The following SHB variants were observed in gnomAD, a reference collection of about 807,000 sequenced individuals.
SHB encodes the protein SH2 domain containing adaptor protein B.
A neutral mutation model predicts 52.3 loss-of-function variants in SHB; 20 were observed. The observed-to-expected ratio is 0.38, with a 90% CI of 0.27 to 0.56. The LOEUF (loss-of-function observed/expected upper bound fraction) is 0.56, where lower values mean the gene tolerates loss of function less well. SHB is among the 20% of genes least tolerant of loss of function. SHB has a pLI of 0.71. For synonymous variants in SHB, 397 were observed against 316.5 expected (o/e 1.25, Z -2.70); for missense variants, 825 against 723.3 (o/e 1.14, Z -1.61).
At chr9:37,937,980 C>G (rs1456452439) in intron 5 of SHB, among the ~76,000 whole-genome samples, 1 of 152,192 alleles carries the variant, frequency 6.6e-6, no homozygotes, top group Admixed American at 6.5e-5. Context: ...AACAGTCAGG[C>G]CCTGCCTTAA....
chr9:38,064,363 C>T (rs1191430963), intron 1 of SHB, among the ~76,000 whole-genome samples: 4 of 152,212 alleles, frequency 2.6e-5, no homozygotes, highest in Non-Finnish European at 2.9e-5. Flanking sequence ...CTCTCTCACA[C>T]TGTCATCTCT....
rs1832120403 is a variant in SHB at position 37,917,828 on chromosome 9, T to C, written c.*1993A>G. ...AACCCAGGCCACAGCCAGCGTGGTC[T>C]CTATGAGGGCTGGGCCACGTGGACG... is the stretch of plus-strand genomic sequence containing the variant. On this transcript the variant is annotated 3_prime_UTR_variant, in exon 6 of 6. Transcript: ENST00000377707. Among the ~76,000 whole-genome samples, 1 of 152,230 alleles carries C rather than the reference T, an allele frequency of 6.6e-6. No homozygotes were observed.
chr9:37,928,545 C>G (rs1434105173), intron 5 of SHB, among the ~76,000 whole-genome samples: 3 of 152,214 alleles, frequency 2.0e-5, no homozygotes, highest in Non-Finnish European at 4.4e-5. Flanking sequence ...AAATACCCTA[C>G]GACGCACAGC....
intron 5 of SHB, among the ~76,000 whole-genome samples, chr9:37,922,809 T>C (rs1283659269): frequency 6.6e-6 from 1 of 152,192 alleles, no homozygotes; most frequent in Non-Finnish European, 1.5e-5. Context: ...TGCTGGGCTC[T>C]GTCCCTTCTC....
chr9:38,043,952 C>A (rs1821613536), intron 1 of SHB, among the ~76,000 whole-genome samples: 1 of 152,204 alleles, frequency 6.6e-6, no homozygotes, highest in Admixed American at 6.5e-5. Flanking sequence ...GCAGAGAAAG[C>A]TCAGGGCCAG....
At chr9:38,020,207 T>C (rs1244891345) in intron 1 of SHB, among the ~76,000 whole-genome samples, 2 of 152,242 alleles carry the variant, frequency 1.3e-5, no homozygotes, top group Non-Finnish European at 2.9e-5. Flanking sequence ...TGTGCAAAAC[T>C]AAACTTGCTT....
intron 3 of SHB, among the ~76,000 whole-genome samples, chr9:37,967,901 A>G (rs554696967): frequency 6.6e-6 from 1 of 152,356 alleles, no homozygotes; most frequent in East Asian, 1.9e-4. Flanking sequence ...CACCCAGGGG[A>G]CCAGTGGCCC....
chr9:37,948,027 G>A (rs1243981574), intron 5 of SHB, among the ~76,000 whole-genome samples: 3 of 152,214 alleles, frequency 2.0e-5, no homozygotes, highest in Non-Finnish European at 4.4e-5. Flanking sequence ...TGCCCATCCT[G>A]ACAGAAATGC....
rs563281580 is a variant in SHB, at chr9:37,983,207, T to C, written c.839-8370A>G. Among the ~76,000 whole-genome samples the C allele has an allele frequency of 1.6e-4, 25 of 152,272 alleles. No homozygotes were observed. The East Asian group carries it at 1.7e-3, about 11-fold the overall frequency. On this transcript the variant is annotated intron_variant, in intron 2 of 5. Transcript: ENST00000377707. The stretch of plus-strand genomic sequence containing the variant: ...CTGATAACTAAGAGACAGGTTTCCA[T>C]TGGGGGAACCTGGGAGGGCCTTAAA...
Position 38,068,280 on chromosome 9 carries a change from G to C in SHB, c.366C>G (p.Gly122=). 1 of 1,474,070 alleles carries C rather than the reference G, an allele frequency of 6.8e-7. No individual in the cohort carries two copies. 91.3% of individuals were successfully genotyped at this position (1,474,070 alleles called of 1,614,324 possible). Residue 122 remains glycine (G), a synonymous_variant, in exon 1 of 6, where the codon GGC becomes GGG. Coordinates refer to ENST00000377707, the MANE Select transcript of SHB (RefSeq NM_003028.3). ...LDYCGGSGEP[G]GVQRAFSASS... Reference sequence around the variant, plus strand: ...AGGCCGAGAAGGCGCGCTGGACCCCGCCTGGCTCCCCGCTGCCGCCGCAGT... The same window carrying C: ...AGGCCGAGAAGGCGCGCTGGACCCCCCCTGGCTCCCCGCTGCCGCCGCAGT...
At chr9:38,043,315 T>C (rs772087698) in intron 1 of SHB, among the ~76,000 whole-genome samples, 5 of 152,180 alleles carry the variant, frequency 3.3e-5, no homozygotes, top group Admixed American at 6.5e-5. Flanking sequence ...AGTAGACACA[T>C]AGGGGACTGA....
chr9:37,969,786 C>T lies in SHB; in HGVS notation c.1054+4836G>A, dbSNP rs192788008. ...CAGGTAGACCTGCCACACCAACCTG[C>T]ACCACCCCCAGACACCATGACATCA... On this transcript the variant is annotated intron_variant, in intron 3 of 5. Transcript: ENST00000377707. Among the ~76,000 whole-genome samples, 86 of 152,352 alleles carry T rather than the reference C, an allele frequency of 5.6e-4. 1 individual carries two copies. Among genetic ancestry groups the T allele is most frequent in the African/African-American group, 1.9e-3 (81 of 41,584 alleles).
intron 5 of SHB, among the ~76,000 whole-genome samples, chr9:37,930,833 T>C (rs922498032): frequency 6.6e-6 from 1 of 151,982 alleles, no homozygotes; most frequent in African/African-American, 2.4e-5. Context: ...GAAAAGAAAG[T>C]TGGGGGCATC....
Position 38,014,764 on chromosome 9 carries a change from C to T in SHB, c.838+1247G>A, listed in dbSNP as rs1200374944. ...AATCTCCTTCCATGAACAGGAGGAGCAGGAGGCAGAGAACAGCAAAGGCAG... is the reference window on the plus strand; with the variant it reads ...AATCTCCTTCCATGAACAGGAGGAGTAGGAGGCAGAGAACAGCAAAGGCAG... On this transcript the variant is annotated intron_variant, in intron 2 of 5. Coordinates refer to ENST00000377707, the MANE Select transcript of SHB (RefSeq NM_003028.3). Among the ~76,000 whole-genome samples the T allele has an allele frequency of 2.0e-5, 3 of 152,070 alleles. No individual in the cohort carries two copies. In the East Asian group the frequency reaches 5.8e-4, roughly 29 times the overall value.
chr9:37,970,151 G>A (rs1820574438), intron 3 of SHB, among the ~76,000 whole-genome samples: 4 of 152,190 alleles, frequency 2.6e-5, no homozygotes, highest in Admixed American at 2.6e-4. Flanking sequence ...ATTGTCCTGG[G>A]GATTGGGATC....
At chr9:38,048,012 T>G (rs1821680696) in intron 1 of SHB, among the ~76,000 whole-genome samples, 2 of 152,106 alleles carry the variant, frequency 1.3e-5, no homozygotes, top group African/African-American at 4.8e-5. Flanking sequence ...TCCAACACAA[T>G]GAGACACTCA....
At chr9:38,064,188 C>T (rs1030059104) in intron 1 of SHB, among the ~76,000 whole-genome samples, 2 of 151,942 alleles carry the variant, frequency 1.3e-5, no homozygotes, top group African/African-American at 4.8e-5. Flanking sequence ...ACCTCACCGT[C>T]TCTCACCAGA....
intron 4 of SHB, among the ~76,000 whole-genome samples, chr9:37,949,786 A>G (rs1383057563): frequency 6.6e-6 from 1 of 152,208 alleles, no homozygotes; most frequent in Non-Finnish European, 1.5e-5. Flanking sequence ...CGGCTCTAGC[A>G]CCACTTGGGC....
intron 3 of SHB, among the ~76,000 whole-genome samples, chr9:37,964,081 C>T (rs959029421): frequency 1.3e-5 from 2 of 152,196 alleles, no homozygotes. Flanking sequence ...CTTTCAGGTA[C>T]CTGTAGGACA....
Sources: allele counts gnomAD v4.1 joint callset (sites outside exome capture counted in the v4.1 genomes callset), GRCh38; gene constraint gnomAD v4.1.1; transcripts MANE v1.5; gene names NCBI Gene and HGNC (gene_info 2026-07-23, HGNC 2026-07-21).